LRRC4B: variants seen among roughly 807,000 people sequenced by gnomAD.
LRRC4B encodes leucine-rich repeat-containing protein 4B.
In LRRC4B, 1 loss-of-function variant was observed where a neutral mutation model predicts 7.3. The ratio of observed to expected loss-of-function variants is 0.14; its 90% CI spans 0.05 to 0.65. The LOEUF is 0.65. Ranked by LOEUF, LRRC4B falls within the 30% of genes least tolerant of loss-of-function variation. The probability of loss-of-function intolerance (pLI) is 0.84; values close to 1 mark genes in which losing one functional copy is unlikely to be tolerated. For missense variants in LRRC4B, 730 were observed against 1,041.6 expected (o/e 0.70, Z 4.12); for synonymous variants, 500 against 499.2 (o/e 1.00, Z -0.02).
chr19:50,547,802 CA>C, intron 2 of LRRC4B, among the ~76,000 whole-genome samples: 1 of 151,722 alleles, frequency 6.6e-6, no homozygotes, highest in East Asian at 1.9e-4. Context: ...TCTGTCCCCC[CA>C]AGCCCTCGCT....
chr19:50,554,069 T>C (rs1862476), intron 1 of LRRC4B, among the ~76,000 whole-genome samples: 80,014 of 148,302 alleles, frequency 0.54, 23,155 homozygotes, highest in African/African-American at 0.75. Context: ...TCTCAGCTCA[T>C]GGCAACCTCT....
chr19:50,519,052 C>T lies in LRRC4B; in HGVS notation c.661G>A (p.Asp221Asn). The T allele has an allele frequency of 2.5e-6, 4 of 1,609,896 alleles. No individual in the cohort carries two copies. The highest frequency in any genetic ancestry group is 3.4e-6 in the Non-Finnish European group (4 of 1,179,882). The change falls in exon 3 of 3, where the codon GAC (aspartate) becomes AAC (asparagine). Residue 221 changes from aspartate (D) to asparagine (N), a missense_variant. Around this residue, in one of 6 missense-constraint regions of LRRC4B, gnomAD observed 226 missense variants for 448.0 expected, o/e 0.50. Transcript: ENST00000652263. This position sits in a 1 kb window ranked among gnomAD's most constrained non-coding sequence, Gnocchi z 8.1. ...YLNLGMCNLK[D>N]IPNLTALVRL... ...ACCAGGGCCGTCAGGTTGGGGATGT[C>T]CTTGAGGTTGCACATGCCCAGGTTG...
rs995745414 is a variant in LRRC4B, at chr19:50,525,580, A to T, written c.298-6165T>A. Among the ~76,000 whole-genome samples the T allele has an allele frequency of 5.0e-3, 620 of 124,606 alleles. 4 individuals carry two copies. Among genetic ancestry groups the T allele is most frequent in the Non-Finnish European group, 7.6e-3 (450 of 59,286 alleles). The allele number at this position is 124,606 out of a possible 152,430, so 81.7% of individuals were successfully genotyped here. ...TCCACCACACCCGGCTAATTTTTGTATTTTTTTTTTTTTTTTTTAGTAGAG... is the reference window on the plus strand; with the variant it reads ...TCCACCACACCCGGCTAATTTTTGTTTTTTTTTTTTTTTTTTTTAGTAGAG... On this transcript the variant is annotated intron_variant, in intron 2 of 2. Coordinates refer to ENST00000652263, the MANE Select transcript of LRRC4B (RefSeq NM_001080457.2).
At chr19:50,566,073 G>GGGA (rs759024019) in intron 1 of LRRC4B, among the ~76,000 whole-genome samples, 8 of 152,092 alleles carry the variant, frequency 5.3e-5, no homozygotes, top group South Asian at 2.1e-4. Context: ...AGGAGCCCCA[G>GGGA]GGAGGAGGAG....
chr19:50,530,703 G>A (rs939094321), intron 2 of LRRC4B, among the ~76,000 whole-genome samples: 6 of 152,040 alleles, frequency 3.9e-5, no homozygotes, highest in African/African-American at 1.4e-4. Context: ...CACAGGCGAT[G>A]ATGCCTTGCA....
At chr19:50,527,158 G>A (rs571758817) in intron 2 of LRRC4B, among the ~76,000 whole-genome samples, 10 of 151,256 alleles carry the variant, frequency 6.6e-5, no homozygotes, top group South Asian at 2.1e-4. Flanking sequence ...TCAGCCTCCC[G>A]AGTAGCTGGG....
rs568923427 is a variant in LRRC4B at position 50,555,114 on chromosome 19, G to C, written c.-35-6241C>G. Among the ~76,000 whole-genome samples, 3 of 152,204 alleles carry C rather than the reference G, an allele frequency of 2.0e-5. No homozygotes were observed. Among genetic ancestry groups the C allele is most frequent in the Non-Finnish European group, 4.4e-5 (3 of 68,028 alleles). On this transcript the variant is annotated intron_variant, in intron 1 of 2. Transcript: ENST00000652263. The surrounding 1 kb of genome is among the most constrained non-coding windows in gnomAD (Gnocchi z 5.2). ...TGCCCTCTGCCCCCACGCACCCCTA[G>C]TAGTGATGGGAAATACTGATTACAT... is the stretch of plus-strand genomic sequence containing the variant.
chr19:50,530,973 C>T (rs966934099), intron 2 of LRRC4B, among the ~76,000 whole-genome samples: 4 of 151,468 alleles, frequency 2.6e-5, no homozygotes, highest in African/African-American at 4.9e-5. Flanking sequence ...GTCTCGAACT[C>T]CCGACCTCAG....
At chr19:50,542,379 A>T (rs887431314) in intron 2 of LRRC4B, among the ~76,000 whole-genome samples, 7 of 152,040 alleles carry the variant, frequency 4.6e-5, no homozygotes, top group African/African-American at 1.7e-4. Flanking sequence ...CCTCTGCCTT[A>T]AAAGGCATTT....
At chr19:50,529,337 C>T (rs1338422019) in intron 2 of LRRC4B, among the ~76,000 whole-genome samples, 2 of 152,084 alleles carry the variant, frequency 1.3e-5, no homozygotes, top group African/African-American at 4.8e-5. Context: ...ACACATGGGG[C>T]CCTTCTCACC....
At chr19:50,552,642 A>ATCCATCCATCCATCTG (rs1568733958) in intron 1 of LRRC4B, among the ~76,000 whole-genome samples, 5 of 103,010 alleles carry the variant, frequency 4.9e-5, no homozygotes, top group African/African-American at 2.0e-4. Context: ...CCATCCGCCC[A>ATCCATCCATCCATCTG]TCCGTCCATC....
chr19:50,533,703 G>A (rs943977203), intron 2 of LRRC4B, among the ~76,000 whole-genome samples: 21 of 152,176 alleles, frequency 1.4e-4, no homozygotes, highest in African/African-American at 4.6e-4. Context: ...GTTAACTGCC[G>A]ATTATTGCCA....
At chr19:50,527,482 T>C (rs1252574881) in intron 2 of LRRC4B, among the ~76,000 whole-genome samples, 1 of 151,668 alleles carries the variant, frequency 6.6e-6, no homozygotes, top group Non-Finnish European at 1.5e-5. Context: ...CCATTCATTG[T>C]GGCTTGCTTT....
In LRRC4B at chr19:50,567,345, T is replaced by A. The variant is rs576802469; in HGVS notation, c.-36+599A>T. ...CCCCAGAGGGAGAAGGGCTGAAGAC[T>A]GGGGAGGGGGTTGTCTCACTCCCCA... On this transcript the variant is annotated intron_variant, in intron 1 of 2. Transcript: ENST00000652263. Among the ~76,000 whole-genome samples, 440 of 151,706 alleles carry A rather than the reference T, an allele frequency of 2.9e-3. 1 individual carries two copies. The highest frequency in any genetic ancestry group is 0.01 in the Middle Eastern group (3 of 294).
chr19:50,556,086 T>C lies in LRRC4B; in HGVS notation c.-35-7213A>G, dbSNP rs1317426054. On this transcript the variant is annotated intron_variant, in intron 1 of 2. Coordinates refer to ENST00000652263, the MANE Select transcript of LRRC4B (RefSeq NM_001080457.2). The surrounding 1 kb of genome is among the most constrained non-coding windows in gnomAD (Gnocchi z 4.2). ...AAAGCAGCCCCACAGCGCCGAGAAT[T>C]GTCAGGCTTCTATGTCTGGAGGTAG... Among the ~76,000 whole-genome samples, 1 of 152,060 alleles carries C rather than the reference T, an allele frequency of 6.6e-6. No individual in the cohort carries two copies. The highest frequency in any genetic ancestry group is 1.9e-4 in the East Asian group (1 of 5,182).
chr19:50,548,646 T>C lies in LRRC4B; in HGVS notation c.193A>G (p.Asn65Asp). 6.3e-7 allele frequency: 1 copy of C among 1,578,814 alleles called. No homozygotes were observed. The highest frequency in any genetic ancestry group is 8.6e-7 in the Non-Finnish European group (1 of 1,165,118). The change falls in exon 2 of 3, where the codon AAC (asparagine) becomes GAC (aspartate). Residue 65 changes from asparagine (N) to aspartate (D), a missense_variant. Asn to Asp is a conservative substitution (Grantham distance 23). This residue lies in a region of LRRC4B where 143 missense variants were observed against 158.4 expected (regional missense o/e 0.90). Transcript: ENST00000652263. The surrounding 1 kb of genome is among the most constrained non-coding windows in gnomAD (Gnocchi z 6.8). ...GTGCAGATCACCCGGCTGGCCTGGTTGCTGCAGGAGCAGGCCACGGGGCAG... is the reference window on the plus strand; with the variant it reads ...GTGCAGATCACCCGGCTGGCCTGGTCGCTGCAGGAGCAGGCCACGGGGCAG... Reference protein sequence around the residue: ...TSCPVACSCSNQASRVICTRR... With the variant: ...TSCPVACSCSDQASRVICTRR...
At chr19:50,564,591 G>A (rs931313941) in intron 1 of LRRC4B, among the ~76,000 whole-genome samples, 2 of 152,080 alleles carry the variant, frequency 1.3e-5, no homozygotes, top group Non-Finnish European at 2.9e-5. Flanking sequence ...GCAAGACATT[G>A]GGGGCTGGGA....
At chr19:50,531,877 G>C (rs914205363) in intron 2 of LRRC4B, among the ~76,000 whole-genome samples, 5 of 152,226 alleles carry the variant, frequency 3.3e-5, no homozygotes, top group African/African-American at 1.2e-4. Context: ...GACATGGCGA[G>C]CATGCAGTAA....
intron 2 of LRRC4B, among the ~76,000 whole-genome samples, chr19:50,524,198 G>A (rs1210507466): frequency 6.6e-6 from 1 of 152,154 alleles, no homozygotes; most frequent in Non-Finnish European, 1.5e-5. Context: ...AATAATGTAT[G>A]TCGGTGCTGT....
Sources: allele counts gnomAD v4.1 joint callset (sites outside exome capture counted in the v4.1 genomes callset), GRCh38; gene constraint gnomAD v4.1.1; regional missense constraint gnomAD v4.1.1; non-coding constraint Gnocchi (gnomAD v3.1); transcripts MANE v1.5; gene names NCBI Gene and HGNC (gene_info 2026-07-23, HGNC 2026-07-21).